The following ADRA1B variants were observed in gnomAD, a reference collection of about 807,000 sequenced individuals.
ADRA1B encodes the protein adrenoceptor alpha 1B.
ADRA1B carries 17 observed loss-of-function variants against 17.9 expected under a neutral mutation model. The ratio of observed to expected loss-of-function variants is 0.95; its 90% CI spans 0.65 to 1.42. The LOEUF is 1.42. ADRA1B is among the 40% of genes most tolerant of loss of function. The pLI is 0.00. For synonymous variants in ADRA1B, 366 were observed against 327.6 expected (o/e 1.12, Z -1.27); for missense variants, 681 against 722.1 (o/e 0.94, Z 0.65).
At position 159,892,041 on chromosome 5, in the gene ADRA1B, A is replaced by T. The variant is rs191613001; in HGVS notation, c.-255-24078A>T. The stretch of plus-strand genomic sequence containing the variant: ...ATCACGAGGTCAGGAGTTGGACATC[A>T]GCCTGGCCAACATGGTGAAACCCCA... On this transcript the variant is annotated intron_variant, in intron 1 of 2. Transcript: ENST00000641205. Among the ~76,000 whole-genome samples, 502 of 152,318 alleles carry T rather than the reference A, an allele frequency of 3.3e-3. 7 individuals are homozygous for T. The highest frequency in any genetic ancestry group is 7.6e-4 in the Non-Finnish European group (52 of 68,036).
At chr5:159,873,643 T>G (rs150460928) in intron 1 of ADRA1B, among the ~76,000 whole-genome samples, 377 of 152,340 alleles carry the variant, frequency 2.5e-3, no homozygotes, top group African/African-American at 8.9e-3. Flanking sequence ...TTCGTTGTTA[T>G]TGTGCTCATC....
At chr5:159,875,175 A>G (rs1753789605) in intron 1 of ADRA1B, among the ~76,000 whole-genome samples, 1 of 152,202 alleles carries the variant, frequency 6.6e-6, no homozygotes, top group African/African-American at 2.4e-5. Flanking sequence ...GGAGAAAACA[A>G]CAGTGGCCTT....
chr5:159,925,839 A>G (rs1027246400), intron 1 of ADRA1B, among the ~76,000 whole-genome samples: 2 of 152,236 alleles, frequency 1.3e-5, no homozygotes, highest in African/African-American at 4.8e-5. Flanking sequence ...TAAGGGGAAT[A>G]ACCAATTGCA....
At chr5:159,878,965 C>G (rs572250516) in intron 1 of ADRA1B, among the ~76,000 whole-genome samples, 1 of 152,106 alleles carries the variant, frequency 6.6e-6, no homozygotes, top group South Asian at 2.1e-4. Flanking sequence ...TGATGTCGCT[C>G]AAAACCCAGC....
At chr5:159,896,022 A>G (rs765696320) in intron 1 of ADRA1B, among the ~76,000 whole-genome samples, 1 of 152,234 alleles carries the variant, frequency 6.6e-6, no homozygotes, top group Non-Finnish European at 1.5e-5. Context: ...GTAGGTGCTC[A>G]ATAAATACTT....
chr5:159,933,813 TAAC>T (rs1480303726), intron 1 of ADRA1B, among the ~76,000 whole-genome samples: 1 of 152,158 alleles, frequency 6.6e-6, no homozygotes, highest in Non-Finnish European at 1.5e-5. Context: ...TTTAAAACCA[TAAC>T]AAAATAAAAG....
intron 1 of ADRA1B, among the ~76,000 whole-genome samples, chr5:159,918,173 C>T (rs1247893816): frequency 1.3e-5 from 2 of 152,166 alleles, no homozygotes; most frequent in African/African-American, 2.4e-5. Flanking sequence ...GAATATCACA[C>T]CGGCGTTATT....
At chr5:159,875,855 C>G (rs1223844766) in intron 1 of ADRA1B, among the ~76,000 whole-genome samples, 1 of 152,112 alleles carries the variant, frequency 6.6e-6, no homozygotes, top group East Asian at 1.9e-4. Flanking sequence ...TGTTCAGATG[C>G]TTTGGTATAG....
intron 1 of ADRA1B, among the ~76,000 whole-genome samples, chr5:159,880,274 C>T (rs181722651): frequency 3.3e-5 from 5 of 152,316 alleles, no homozygotes; most frequent in Admixed American, 3.3e-4. Context: ...AAAGAAAACC[C>T]TCACCTATAA....
At chr5:159,887,584 G>A (rs955376535) in intron 1 of ADRA1B, among the ~76,000 whole-genome samples, 5 of 152,104 alleles carry the variant, frequency 3.3e-5, no homozygotes, top group Admixed American at 6.6e-5. Flanking sequence ...TAAATCAAGT[G>A]GTATAAGTAA....
At chr5:159,927,396 C>CACACACAT (rs1554090095) in intron 1 of ADRA1B, among the ~76,000 whole-genome samples, 2 of 151,754 alleles carry the variant, frequency 1.3e-5, no homozygotes, top group African/African-American at 4.8e-5. Flanking sequence ...CACACACACA[C>CACACACAT]ACACACACAC....
intron 1 of ADRA1B, among the ~76,000 whole-genome samples, chr5:159,904,952 A>G (rs979413982): frequency 6.6e-6 from 1 of 152,244 alleles, no homozygotes; most frequent in Non-Finnish European, 1.5e-5. Context: ...TCATTGGAGC[A>G]CACAGCTTTA....
At position 159,972,970 on chromosome 5, in the gene ADRA1B, G is replaced by A. The variant is rs1755915852; in HGVS notation, c.*478G>A. Among the ~76,000 whole-genome samples the A allele has an allele frequency of 6.6e-6, 1 of 152,206 alleles. No homozygotes were observed. Among genetic ancestry groups the A allele is most frequent in the Non-Finnish European group, 1.5e-5 (1 of 68,036 alleles). ...CTTCACTGAAGGATGGCACTTTGGTGGGGTTGGAAACAAAGTCGACATTAA... is the reference window on the plus strand; with the variant it reads ...CTTCACTGAAGGATGGCACTTTGGTAGGGTTGGAAACAAAGTCGACATTAA... On this transcript the variant is annotated 3_prime_UTR_variant, in exon 2 of 2. Coordinates refer to ENST00000306675, the MANE Select transcript of ADRA1B (RefSeq NM_000679.4).
At chr5:159,942,179 C>T (rs1755152852) in intron 1 of ADRA1B, among the ~76,000 whole-genome samples, 3 of 152,218 alleles carry the variant, frequency 2.0e-5, no homozygotes, top group African/African-American at 7.2e-5. Context: ...GCCTCGGCCT[C>T]CCAAAGTGCT....
the ADRA1B span, among the ~76,000 whole-genome samples, chr5:159,984,491 T>C: frequency 6.6e-6 from 1 of 152,266 alleles, no homozygotes; most frequent in East Asian, 1.9e-4. Flanking sequence ...CCACCACCAC[T>C]GCATCTTCTC....
chr5:159,972,471 C>G lies in ADRA1B; in HGVS notation c.1542C>G (p.Pro514=). ...AGCCGGGCTTCAAAAGCAACATGCC[C>G]CTGGCGCCCGGGCAGTTTTAGGGCC... The part of the protein sequence containing the change: ...NGQPGFKSNM[P]LAPGQF Residue 514 remains proline (P), a synonymous_variant, in exon 2 of 2, where the codon CCC becomes CCG. Transcript: ENST00000306675. 1 of 1,421,886 alleles carries G rather than the reference C, an allele frequency of 7.0e-7. No homozygotes were observed. Among genetic ancestry groups the G allele is most frequent in the Non-Finnish European group, 9.3e-7 (1 of 1,079,742 alleles). The allele number at this position is 1,421,886 out of a possible 1,614,324, so 88.1% of individuals were successfully genotyped here.
intron 1 of ADRA1B, among the ~76,000 whole-genome samples, chr5:159,924,960 C>T (rs1254078548): frequency 6.6e-6 from 1 of 152,166 alleles, no homozygotes; most frequent in African/African-American, 2.4e-5. Context: ...CTCTGTATTC[C>T]CTCATTTATA....
chr5:159,976,363 G>T (rs546687960), downstream of ADRA1B, among the ~76,000 whole-genome samples: 14 of 152,208 alleles, frequency 9.2e-5, no homozygotes, highest in Middle Eastern at 3.4e-3. Context: ...CGGAGTAAAA[G>T]AATTTTGTTG....
In ADRA1B at chr5:159,902,410, G is replaced by A. The variant is rs147628076; in HGVS notation, c.-255-13709G>A. Among the ~76,000 whole-genome samples, 84 of 152,012 alleles carry A rather than the reference G, an allele frequency of 5.5e-4. No homozygotes were observed. The East Asian group carries it at 7.3e-3, about 13-fold the overall frequency. ...TTCTACAGATCTGCTGTACAAAGAA[G>A]TCCATAGAGTTAACAATGCTGTAAT... On this transcript the variant is annotated intron_variant, in intron 1 of 2. Transcript: ENST00000641205.
Sources: gnomAD v4.1 joint callset for allele counts (sites outside exome capture counted in the v4.1 genomes callset) on GRCh38, gnomAD v4.1.1 for gene constraint, MANE v1.5 for transcripts, NCBI Gene and HGNC (gene_info 2026-07-23, HGNC 2026-07-21) for gene names.